SMARCA4: variants seen among roughly 807,000 people sequenced by gnomAD.
SMARCA4 encodes SWI/SNF-related matrix-associated actin-dependent regulator of chromatin subfamily A member 4.
SMARCA4 carries 31 observed loss-of-function variants against 193.9 expected under a neutral mutation model. The observed-to-expected ratio is 0.16, with a 90% confidence interval of 0.12 to 0.22. SMARCA4 has a LOEUF of 0.22. Ranked by LOEUF, SMARCA4 falls within the 10% of genes least tolerant of loss-of-function variation. The pLI, the probability that SMARCA4 is intolerant of heterozygous loss-of-function variation, is 1.00. For missense variants in SMARCA4, 1,148 were observed against 2,296.0 expected, an observed-to-expected ratio of 0.50 and a Z score of 10.22; for synonymous variants, 942 against 933.1, an observed-to-expected ratio of 1.01 and a Z score of -0.17.
At position 11,030,740 on chromosome 19, in the gene SMARCA4, G is replaced by A; in HGVS notation, c.3393G>A (p.Lys1131=). ...FKYLRLDGTT[K]AEDRGMLLKT... is the part of the protein sequence containing the mutation. ...CTCTGTGCCCGTCAGGAACCACGAA[G>A]GCGGAGGACCGGGGCATGCTGCTGA... is the stretch of plus-strand genomic sequence containing the variant. Residue 1131 remains lysine (K), a synonymous_variant, in exon 25 of 35, where the codon AAG becomes AAA. Coordinates refer to ENST00000344626, the MANE Select transcript of SMARCA4 (RefSeq NM_003072.5). This position sits in a 1 kb window ranked among gnomAD's most constrained non-coding sequence, Gnocchi z 5.5. 6.2e-7 allele frequency: 1 copy of A among 1,611,744 alleles called. No individual in the cohort carries two copies.
rs745406632 is a variant in SMARCA4, at chr19:10,985,346, G to A, written c.296G>A (p.Arg99Gln). The A allele has an allele frequency of 3.7e-6, 6 of 1,614,068 alleles. No individual in the cohort carries two copies. The highest frequency in any genetic ancestry group is 1.7e-5 in the Admixed American group (1 of 60,026). The change falls in exon 3 of 35, where the codon CGG becomes CAG. Residue 99 changes from arginine (R) to glutamine (Q), a missense_variant. Physicochemically the swap from Arg to Gln is conservative, Grantham distance 43. Around this residue, in one of 17 missense-constraint regions of SMARCA4, gnomAD observed 201 missense variants for 248.3 expected, o/e 0.81. Transcript: ENST00000344626. The surrounding 1 kb of genome is among the most constrained non-coding windows in gnomAD (Gnocchi z 4.5). ...RYNQMKGMGM[R>Q]SGGHAGMGPP... ...AACCAGATGAAAGGAATGGGGATGC[G>A]GTCAGGGGGCCATGCTGGGATGGGG...
At chr19:11,026,455 A>G (rs1301481271) in intron 23 of SMARCA4, 109 bp downstream of exon 23, 21 of 810,592 alleles carry the variant, frequency 2.6e-5, no homozygotes, top group Non-Finnish European at 4.5e-5. Context: ...CAAAGGCAGA[A>G]AATTAGAAAA....
At chr19:11,004,719 A>G (rs1568458348) in intron 13 of SMARCA4, among the ~76,000 whole-genome samples, 1 of 151,892 alleles carries the variant, frequency 6.6e-6, no homozygotes, top group Non-Finnish European at 1.5e-5. Flanking sequence ...ATTTATATTT[A>G]CTGTAATTTC....
chr19:11,060,964 G>A (rs1489752043), intron 34 of SMARCA4, among the ~76,000 whole-genome samples: 1 of 152,130 alleles, frequency 6.6e-6, no homozygotes, highest in East Asian at 1.9e-4. Context: ...GGTCTGGGCT[G>A]TGATGCTGTC....
At chr19:10,997,826 C>T (rs560868432) in intron 11 of SMARCA4, among the ~76,000 whole-genome samples, 2 of 152,250 alleles carry the variant, frequency 1.3e-5, no homozygotes, top group African/African-American at 4.8e-5. Context: ...CAGCGCCTTA[C>T]CTCCATGTAA....
At chr19:11,039,276 C>T (rs943867188) in intron 29 of SMARCA4, among the ~76,000 whole-genome samples, 1 of 152,102 alleles carries the variant, frequency 6.6e-6, no homozygotes, top group African/African-American at 2.4e-5. Context: ...ATCACTGGAA[C>T]CTAGGAGTTG....
chr19:10,983,695 A>G (rs1226297761), intron 1 of SMARCA4: 1 of 186,898 alleles, frequency 5.4e-6, no homozygotes, highest in Non-Finnish European at 1.1e-5. Context: ...TGGCCTCCCA[A>G]AGTTCTGGGA....
chr19:10,986,271 T>G lies in SMARCA4; in HGVS notation c.438T>G (p.Ser146=). Residue 146 remains serine (S), a synonymous_variant, in exon 4 of 35, where the codon TCT becomes TCG. Coordinates refer to ENST00000344626, the MANE Select transcript of SMARCA4 (RefSeq NM_003072.5). The surrounding 1 kb of genome is among the most constrained non-coding windows in gnomAD (Gnocchi z 6.7). ...ASGPSSGPQM[S]SGPGGAPLDG... ...GCCCGTCTTCGGGGCCCCAGATGTC[T>G]TCCGGGCCAGGAGGTGCCCCGCTGG... is the stretch of plus-strand genomic sequence containing the variant. 1 of 1,613,828 alleles carries G rather than the reference T, an allele frequency of 6.2e-7. No individual in the cohort carries two copies. The highest frequency in any genetic ancestry group is 8.5e-7 in the Non-Finnish European group (1 of 1,179,998).
In SMARCA4 at chr19:11,031,088, C is replaced by G; in HGVS notation, c.3546+195C>G. On this transcript the variant is annotated intron_variant, in intron 25 of 34. Coordinates refer to ENST00000344626, the MANE Select transcript of SMARCA4 (RefSeq NM_003072.5). The surrounding 1 kb of genome is among the most constrained non-coding windows in gnomAD (Gnocchi z 4.3). Reference sequence around the variant, plus strand: ...CGGGGTCCTCCTGTTTCCCAAAATACAAACAGCCTTTCCCTCTGATTGGGA... The same window carrying G: ...CGGGGTCCTCCTGTTTCCCAAAATAGAAACAGCCTTTCCCTCTGATTGGGA... 1 of 639,136 alleles carries G rather than the reference C, an allele frequency of 1.6e-6. No homozygotes were observed. Among genetic ancestry groups the G allele is most frequent in the African/African-American group, 1.8e-5 (1 of 55,214 alleles). The allele number at this position is 639,136 out of a possible 1,614,324, so 39.6% of individuals were successfully genotyped here. A position where few individuals can be genotyped will look rare whatever the true frequency, so the allele number is the denominator to read the frequency against.
intron 13 of SMARCA4, among the ~76,000 whole-genome samples, chr19:11,006,819 C>G (rs190780300): frequency 6.6e-6 from 1 of 152,164 alleles, no homozygotes; most frequent in South Asian, 2.1e-4. Context: ...GGTGCAGTGG[C>G]TCATACCTGT....
chr19:11,046,948 CAAAAAA>C (rs35450843), intron 30 of SMARCA4, among the ~76,000 whole-genome samples: 3 of 91,832 alleles, frequency 3.3e-5, no homozygotes, highest in Non-Finnish European at 6.6e-5. Context: ...GACCCTGTTG[CAAAAAA>C]AAAAAAAAAA....
In SMARCA4 at chr19:11,019,202, G is replaced by T. The variant is rs2089640820; in HGVS notation, c.2505+179G>T. The T allele has an allele frequency of 1.3e-5, 9 of 689,816 alleles. 1 individual carries two copies. The South Asian group carries it at 1.4e-4, about 11-fold the overall frequency. 42.7% of individuals were successfully genotyped at this position (689,816 alleles called of 1,614,324 possible). ...GATCCGGGAGTTTGGACTGGGCAGG[G>T]ACAGGGCAGATTAGCTCACTGGGGA... On this transcript the variant is annotated intron_variant, in intron 17 of 34. Transcript: ENST00000344626. This position sits in a 1 kb window ranked among gnomAD's most constrained non-coding sequence, Gnocchi z 6.1.
chr19:10,964,380 G>A (rs1599776562), intron 1 of SMARCA4, among the ~76,000 whole-genome samples: 2 of 151,814 alleles, frequency 1.3e-5, no homozygotes, highest in South Asian at 4.2e-4. Flanking sequence ...GCACGATCTC[G>A]TCTCACTGCA....
intron 11 of SMARCA4, among the ~76,000 whole-genome samples, chr19:11,000,957 C>G (rs1243544633): frequency 6.6e-6 from 1 of 151,776 alleles, no homozygotes; most frequent in East Asian, 1.9e-4. Flanking sequence ...GTGTTGAGAA[C>G]AGGCACCGGC....
At position 11,058,673 on chromosome 19, in the gene SMARCA4, C is replaced by A; in HGVS notation, c.4534-115C>A. 2 of 903,472 alleles carry A rather than the reference C, an allele frequency of 2.2e-6. No individual in the cohort carries two copies. Among genetic ancestry groups the A allele is most frequent in the Non-Finnish European group, 3.6e-6 (2 of 553,906 alleles). The allele number at this position is 903,472 out of a possible 1,614,324, so 56.0% of individuals were successfully genotyped here. ...AGGTTACCGAGGCTGGCGCTTCGGC[C>A]ACATCCTCATAGGCACGAGGAATCC... On this transcript the variant is annotated intron_variant, in intron 31 of 34. Coordinates refer to ENST00000344626, the MANE Select transcript of SMARCA4 (RefSeq NM_003072.5). The surrounding 1 kb of genome is among the most constrained non-coding windows in gnomAD (Gnocchi z 5.8).
intron 30 of SMARCA4, among the ~76,000 whole-genome samples, chr19:11,043,200 A>G (rs1266427262): frequency 6.6e-6 from 1 of 152,124 alleles, no homozygotes; most frequent in East Asian, 1.9e-4. Flanking sequence ...CTGAGGTAGG[A>G]GAATCTTGAA....
At position 10,994,974 on chromosome 19, in the gene SMARCA4, C is replaced by T. The variant is rs916632140; in HGVS notation, c.1566C>T (p.Ile522=). 28 of 1,613,456 alleles carry T rather than the reference C, an allele frequency of 1.7e-5. No homozygotes were observed. Among genetic ancestry groups the T allele is most frequent in the South Asian group, 5.5e-5 (5 of 90,982 alleles). ...EREQKKENER[I]EKERMRRLMA... ...AGCAGAAGAAAGAGAACGAGCGGAT[C>T]GAGAAGGAGCGCATGCGGAGGCTCA... is the stretch of plus-strand genomic sequence containing the variant. Residue 522 remains isoleucine (I), a synonymous_variant, in exon 9 of 35, where the codon ATC becomes ATT. Transcript: ENST00000344626.
intron 30 of SMARCA4, among the ~76,000 whole-genome samples, chr19:11,051,187 C>T (rs1395403990): frequency 6.6e-6 from 1 of 152,218 alleles, no homozygotes; most frequent in Non-Finnish European, 1.5e-5. Flanking sequence ...TCGGGCCCTA[C>T]CCCCAAGTCT....
intron 11 of SMARCA4, among the ~76,000 whole-genome samples, chr19:10,996,787 C>T (rs1452133770): frequency 6.6e-6 from 1 of 151,788 alleles, no homozygotes; most frequent in Non-Finnish European, 1.5e-5. Flanking sequence ...TTTGTTGTAA[C>T]GTCCGACTTA....
Sources: allele counts gnomAD v4.1 joint callset (sites outside exome capture counted in the v4.1 genomes callset), GRCh38; gene constraint gnomAD v4.1.1; regional missense constraint gnomAD v4.1.1; non-coding constraint Gnocchi (gnomAD v3.1); transcripts MANE v1.5; gene names NCBI Gene and HGNC (gene_info 2026-07-23, HGNC 2026-07-21).